Variants in HSD17B12 observed in about 807,000 individuals in gnomAD.
The protein encoded by HSD17B12 is very-long-chain 3-oxoacyl-CoA reductase.
Under a neutral mutation model 39.3 loss-of-function variants are expected in HSD17B12, and 32 were observed. That is an observed-to-expected ratio of 0.81 (90% CI 0.61 to 1.09). HSD17B12 has a LOEUF of 1.09. Ranked by LOEUF, HSD17B12 falls within the 50% of genes least tolerant of loss-of-function variation. HSD17B12 has a pLI of 0.00. For missense variants in HSD17B12, 342 were observed against 382.9 expected, an observed-to-expected ratio of 0.89 and a Z score of 0.89; for synonymous variants, 150 against 146.7, an observed-to-expected ratio of 1.02 and a Z score of -0.16.
the HSD17B12 span, among the ~76,000 whole-genome samples, chr11:43,587,124 G>C: frequency 6.6e-6 from 1 of 152,104 alleles, no homozygotes; most frequent in East Asian, 1.9e-4. Flanking sequence ...TCCTCTCTAG[G>C]CCTCAATATC....
chr11:43,790,196 G>A (rs1009752116), intron 3 of HSD17B12, among the ~76,000 whole-genome samples: 2 of 152,186 alleles, frequency 1.3e-5, no homozygotes, highest in Admixed American at 6.5e-5. Flanking sequence ...AGCAAATTGA[G>A]TCAAGGAAAT....
At chr11:43,615,927 A>G in the HSD17B12 span, among the ~76,000 whole-genome samples, 3 of 152,226 alleles carry the variant, frequency 2.0e-5, no homozygotes, top group Admixed American at 6.5e-5. Context: ...CAATGTTTGT[A>G]ATTCAAAGTG....
chr11:43,631,894 C>G, the HSD17B12 span, among the ~76,000 whole-genome samples: 1 of 152,082 alleles, frequency 6.6e-6, no homozygotes, highest in Admixed American at 6.6e-5. Context: ...TCCGTTTTGC[C>G]CCTATCGCAC....
the HSD17B12 span, among the ~76,000 whole-genome samples, chr11:43,587,178 T>C: frequency 6.6e-6 from 1 of 152,184 alleles, no homozygotes; most frequent in Admixed American, 6.5e-5. Flanking sequence ...ACCCCTTCCA[T>C]TCATGCATTC....
In HSD17B12 at chr11:43,855,211, C is replaced by A. The variant is rs781034922; in HGVS notation, c.902C>A (p.Thr301Lys). 1 of 1,610,522 alleles carries A rather than the reference C, an allele frequency of 6.2e-7. No individual in the cohort carries two copies. Among genetic ancestry groups the A allele is most frequent in the South Asian group, 1.1e-5 (1 of 90,162 alleles). ...LKIVMNMNKS[T>K]RAHYLKKTKK... ...ATAGTCATGAATATGAACAAGTCTA[C>A]ACGGGCTCACTATCTGAAGAAAACC... Residue 301 changes from threonine (T) to lysine (K), a missense_variant, in exon 11 of 11, where the codon ACA (threonine) becomes AAA (lysine). Transcript: ENST00000278353.
At chr11:43,679,745 C>A (rs1223132248), upstream of HSD17B12, among the ~76,000 whole-genome samples, 3 of 152,172 alleles carry the variant, frequency 2.0e-5, no homozygotes, top group African/African-American at 7.2e-5. Context: ...AGCTCTGATG[C>A]CATCGTCTAA....
At chr11:43,729,134 T>C (rs1950246684) in intron 1 of HSD17B12, among the ~76,000 whole-genome samples, 1 of 152,104 alleles carries the variant, frequency 6.6e-6, no homozygotes, top group African/African-American at 2.4e-5. Flanking sequence ...GGAAAGGCAA[T>C]AGAGTAGCAA....
chr11:43,842,326 G>A (rs77401113), intron 9 of HSD17B12, among the ~76,000 whole-genome samples: 4,107 of 152,190 alleles, frequency 0.027, 175 homozygotes, highest in African/African-American at 0.079. Context: ...AAAGGAAGGG[G>A]GGATGACTGT....
the HSD17B12 span, among the ~76,000 whole-genome samples, chr11:43,672,072 C>T: frequency 6.6e-6 from 1 of 151,604 alleles, no homozygotes; most frequent in Non-Finnish European, 1.5e-5. Flanking sequence ...TTTTAGAGAC[C>T]GAGTCTCGCT....
At chr11:43,640,425 T>C in the HSD17B12 span, among the ~76,000 whole-genome samples, 1 of 152,174 alleles carries the variant, frequency 6.6e-6, no homozygotes, top group Non-Finnish European at 1.5e-5. Context: ...AGTATAATCG[T>C]TTTTAAAAAT....
chr11:43,828,589 CT>C (rs1460523624), intron 6 of HSD17B12, among the ~76,000 whole-genome samples: 1 of 151,606 alleles, frequency 6.6e-6, no homozygotes, highest in Non-Finnish European at 1.5e-5. Flanking sequence ...TTATGGTAAC[CT>C]TTTTTTAGAA....
chr11:43,693,118 A>C (rs1271655243), intron 1 of HSD17B12, among the ~76,000 whole-genome samples: 3 of 152,226 alleles, frequency 2.0e-5, no homozygotes, highest in African/African-American at 7.2e-5. Flanking sequence ...TGACTTGCCC[A>C]AGATTATGCA....
chr11:43,676,068 C>T (rs1191301220), upstream of HSD17B12, among the ~76,000 whole-genome samples: 6 of 151,900 alleles, frequency 3.9e-5, no homozygotes, highest in East Asian at 7.7e-4. Context: ...ACTGAGATTG[C>T]GCCATTGCAC....
At chr11:43,589,403 C>T in the HSD17B12 span, among the ~76,000 whole-genome samples, 4 of 152,126 alleles carry the variant, frequency 2.6e-5, no homozygotes, top group Non-Finnish European at 4.4e-5. Context: ...CTGGGTAATG[C>T]CAGGAGAAAA....
At chr11:43,634,075 C>CAAAAAAAAAAAAAAAAA in the HSD17B12 span, among the ~76,000 whole-genome samples, 15 of 37,566 alleles carry the variant, frequency 4.0e-4, no homozygotes, top group Admixed American at 1.7e-3. Flanking sequence ...AACTCCATCT[C>CAAAAAAAAAAAAAAAAA]AAAAAAAAAA....
At chr11:43,569,880 C>T in the HSD17B12 span, 4 of 152,688 alleles carry the variant, frequency 2.6e-5, no homozygotes, top group African/African-American at 9.7e-5. Context: ...TCATGTTCAT[C>T]TTCCTATTAA....
the HSD17B12 span, among the ~76,000 whole-genome samples, chr11:43,598,898 G>A: frequency 6.6e-6 from 1 of 152,274 alleles, no homozygotes; most frequent in Non-Finnish European, 1.5e-5. Context: ...CTGCCCAATG[G>A]TGTGTGTATG....
intron 3 of HSD17B12, chr11:43,755,275 T>G (rs1950498793): frequency 6.2e-6 from 1 of 161,446 alleles, no homozygotes; most frequent in Non-Finnish European, 1.3e-5. Context: ...AAGACAAATG[T>G]AAAATATTGG....
At chr11:43,568,260 T>C in the HSD17B12 span, among the ~76,000 whole-genome samples, 2 of 151,850 alleles carry the variant, frequency 1.3e-5, no homozygotes, top group South Asian at 4.2e-4. Context: ...CCATCACACC[T>C]CGTTAATTTT....
Sources: allele counts gnomAD v4.1 joint callset (sites outside exome capture counted in the v4.1 genomes callset), GRCh38; gene constraint gnomAD v4.1.1; transcripts MANE v1.5; gene names NCBI Gene and HGNC (gene_info 2026-07-23, HGNC 2026-07-21).